MECOM: variants seen among roughly 807,000 people sequenced by gnomAD.
MECOM encodes the protein histone-lysine N-methyltransferase MECOM.
Under a neutral mutation model 116.3 loss-of-function variants are expected in MECOM, and 13 were observed. The observed-to-expected ratio is 0.11, with a 90% CI of 0.07 to 0.18. MECOM has a LOEUF of 0.18. MECOM is among the 10% of genes least tolerant of loss of function. MECOM has a pLI of 1.00. For missense variants in MECOM, 1,299 were observed against 1,509.0 expected, an observed-to-expected ratio of 0.86 and a Z score of 2.31; for synonymous variants, 528 against 535.2, an observed-to-expected ratio of 0.99 and a Z score of 0.19.
intron 1 of MECOM, among the ~76,000 whole-genome samples, chr3:169,623,199 C>T (rs1033463705): frequency 4.6e-5 from 7 of 152,152 alleles, no homozygotes; most frequent in African/African-American, 1.2e-4. Flanking sequence ...ATTGAACCTA[C>T]GTAATCTGCA....
chr3:169,486,475 C>T (rs530773848), intron 1 of MECOM, among the ~76,000 whole-genome samples: 35 of 151,882 alleles, frequency 2.3e-4, no homozygotes, highest in African/African-American at 8.4e-4. Context: ...CATGGTAAAC[C>T]ATGAAGAATT....
chr3:169,090,618 T>C (rs1719395610), intron 14 of MECOM, among the ~76,000 whole-genome samples: 1 of 151,996 alleles, frequency 6.6e-6, no homozygotes, highest in African/African-American at 2.4e-5. Context: ...TTTAAAATAA[T>C]AGATTTCTGG....
intron 1 of MECOM, chr3:169,389,499 T>C: frequency 1.1e-6 from 1 of 893,660 alleles, no homozygotes; most frequent in African/African-American, 1.8e-5. Context: ...ATGTTTTAGC[T>C]ATGTGCCTCT....
intron 1 of MECOM, among the ~76,000 whole-genome samples, chr3:169,593,505 A>T (rs1766684508): frequency 6.6e-6 from 1 of 152,150 alleles, no homozygotes; most frequent in South Asian, 2.1e-4. Flanking sequence ...GGCCCATGAC[A>T]TATTAGCATG....
intron 2 of MECOM, among the ~76,000 whole-genome samples, chr3:169,224,267 A>G (rs775679068): frequency 7.2e-5 from 11 of 152,196 alleles, no homozygotes; most frequent in Non-Finnish European, 1.0e-4. Flanking sequence ...AAAGGGGCCA[A>G]GGAGTATCTG....
At chr3:169,631,119 T>C (rs553925895) in intron 1 of MECOM, among the ~76,000 whole-genome samples, 165 of 152,374 alleles carry the variant, frequency 1.1e-3, no homozygotes, top group Non-Finnish European at 2.0e-3. Context: ...TTGGGATCAG[T>C]GCCCTGGCTT....
At chr3:169,254,834 A>G (rs893920439) in intron 2 of MECOM, among the ~76,000 whole-genome samples, 1 of 152,096 alleles carries the variant, frequency 6.6e-6, no homozygotes, top group Non-Finnish European at 1.5e-5. Flanking sequence ...GAACTAATCA[A>G]TGGTACAAAC....
intron 1 of MECOM, among the ~76,000 whole-genome samples, chr3:169,429,631 T>A (rs1741281222): frequency 6.6e-6 from 1 of 152,220 alleles, no homozygotes; most frequent in Non-Finnish European, 1.5e-5. Context: ...TCCTAACTCA[T>A]ACATGTCCAG....
At chr3:169,558,578 T>C (rs1419033900) in intron 1 of MECOM, among the ~76,000 whole-genome samples, 1 of 152,242 alleles carries the variant, frequency 6.6e-6, no homozygotes, top group Non-Finnish European at 1.5e-5. Context: ...ATTAATTGTA[T>C]ATCATTGTTT....
At chr3:169,338,815 T>C (rs745842861) in intron 2 of MECOM, among the ~76,000 whole-genome samples, 2 of 152,122 alleles carry the variant, frequency 1.3e-5, no homozygotes, top group African/African-American at 2.4e-5. Context: ...GTAGAGATTA[T>C]GTTATTTTTT....
chr3:169,222,405 A>T (rs1457130751), intron 2 of MECOM, among the ~76,000 whole-genome samples: 3 of 152,374 alleles, frequency 2.0e-5, no homozygotes, highest in Non-Finnish European at 4.4e-5. Flanking sequence ...TGAAGCCCAC[A>T]TATGGTGCCC....
intron 2 of MECOM, among the ~76,000 whole-genome samples, chr3:169,225,666 GTGGTGCGA>G (rs1752639315): frequency 2.6e-5 from 4 of 152,212 alleles, no homozygotes; most frequent in Non-Finnish European, 5.9e-5. Flanking sequence ...CTGGAGTGCA[GTGGTGCGA>G]TCTCAGCTCA....
chr3:169,094,040 G>A (rs757819109), intron 13 of MECOM, among the ~76,000 whole-genome samples: 8 of 152,092 alleles, frequency 5.3e-5, no homozygotes, highest in East Asian at 1.9e-4. Context: ...CACAGTTAGA[G>A]TGGCCAGTTT....
intron 1 of MECOM, among the ~76,000 whole-genome samples, chr3:169,549,671 A>G (rs569456785): frequency 5.9e-5 from 9 of 152,304 alleles, no homozygotes; most frequent in African/African-American, 2.2e-4. Context: ...AAGGGACAGC[A>G]CAGAAAAGAT....
intron 1 of MECOM, among the ~76,000 whole-genome samples, chr3:169,485,178 A>G (rs1321520123): frequency 6.6e-6 from 1 of 152,096 alleles, no homozygotes; most frequent in Non-Finnish European, 1.5e-5. Context: ...TATTTAGAGT[A>G]GAGACGGGGT....
chr3:169,354,434 T>A (rs1726896659), intron 2 of MECOM, among the ~76,000 whole-genome samples: 1 of 151,928 alleles, frequency 6.6e-6, no homozygotes, highest in Non-Finnish European at 1.5e-5. Context: ...ATTTACTAGT[T>A]CATAATATTT....
chr3:169,628,075 T>G (rs1771603604), intron 1 of MECOM, among the ~76,000 whole-genome samples: 1 of 152,168 alleles, frequency 6.6e-6, no homozygotes, highest in African/African-American at 2.4e-5. Context: ...ACTTCAACCC[T>G]TTAACCAGGG....
At chr3:169,314,512 A>G (rs1308715530) in intron 2 of MECOM, among the ~76,000 whole-genome samples, 1 of 152,208 alleles carries the variant, frequency 6.6e-6, no homozygotes, top group African/African-American at 2.4e-5. Context: ...TAACTTTCCA[A>G]TTTTTACACT....
At chr3:169,486,711 T>C (rs1298392113) in intron 1 of MECOM, among the ~76,000 whole-genome samples, 1 of 152,116 alleles carries the variant, frequency 6.6e-6, no homozygotes, top group Non-Finnish European at 1.5e-5. Context: ...TCATCAAATA[T>C]AAACTCAGTC....
Sources: gnomAD v4.1 joint callset for allele counts (sites outside exome capture counted in the v4.1 genomes callset) on GRCh38, gnomAD v4.1.1 for gene constraint, MANE v1.5 for transcripts, NCBI Gene and HGNC (gene_info 2026-07-23, HGNC 2026-07-21) for gene names.